PACRG: variants seen among roughly 807,000 people sequenced by gnomAD.
PACRG encodes the protein parkin coregulated gene protein.
Under a neutral mutation model 29.7 loss-of-function variants are expected in PACRG, and 29 were observed. The ratio of observed to expected loss-of-function variants is 0.98; its 90% CI spans 0.73 to 1.33. The LOEUF (loss-of-function observed/expected upper bound fraction) is 1.33, where lower values mean the gene tolerates loss of function less well. Among genes scored for constraint, PACRG ranks in the 40% most tolerant of loss-of-function variants. The probability of loss-of-function intolerance (pLI) is 0.00; values close to 1 mark genes in which losing one functional copy is unlikely to be tolerated. For missense variants in PACRG, 279 were observed against 316.2 expected (o/e 0.88, Z 0.89); for synonymous variants, 116 against 118.7 (o/e 0.98, Z 0.15).
At chr6:162,976,315 G>A (rs894210878) in intron 2 of PACRG, among the ~76,000 whole-genome samples, 1 of 152,204 alleles carries the variant, frequency 6.6e-6, no homozygotes, top group African/African-American at 2.4e-5. Flanking sequence ...GACTGCAGCT[G>A]AATGATGCTG....
In PACRG at chr6:163,229,958, G is replaced by A. The variant is rs376614020; in HGVS notation, c.614-84869G>A. ...AACCTGATGGTGAAATTATTCAACA[G>A]TTTGCTTCTGGGCATTGAAATAAAT... On this transcript the variant is annotated intron_variant, in intron 4 of 4. Coordinates refer to ENST00000366888, the MANE Select transcript of PACRG (RefSeq NM_001080379.2). Among the ~76,000 whole-genome samples the A allele has an allele frequency of 4.6e-5, 7 of 152,282 alleles. No individual in the cohort carries two copies. The East Asian group carries it at 1.2e-3, about 25-fold the overall frequency.
chr6:163,173,490 C>T (rs564890777), intron 4 of PACRG, among the ~76,000 whole-genome samples: 14 of 152,132 alleles, frequency 9.2e-5, no homozygotes, highest in Admixed American at 2.0e-4. Flanking sequence ...TTTTAGAAAA[C>T]GAAGCATGAA....
chr6:162,885,547 A>C (rs1794262962), intron 2 of PACRG, among the ~76,000 whole-genome samples: 1 of 152,196 alleles, frequency 6.6e-6, no homozygotes, highest in Non-Finnish European at 1.5e-5. Context: ...CTGGGATTAC[A>C]GGTGTGAGCC....
At chr6:163,033,494 A>G (rs1462507252) in intron 2 of PACRG, among the ~76,000 whole-genome samples, 1 of 152,240 alleles carries the variant, frequency 6.6e-6, no homozygotes, top group Non-Finnish European at 1.5e-5. Context: ...TATTTTATGA[A>G]TAATCTTTAA....
intron 4 of PACRG, among the ~76,000 whole-genome samples, chr6:163,200,284 T>C (rs34594095): frequency 0.41 from 62,467 of 151,518 alleles, 14,519 homozygotes; most frequent in African/African-American, 0.63. Flanking sequence ...CCCCTGGGAC[T>C]CTTGCATCAC....
At chr6:162,803,396 T>G (rs1786045752) in intron 1 of PACRG, among the ~76,000 whole-genome samples, 1 of 152,078 alleles carries the variant, frequency 6.6e-6, no homozygotes, top group South Asian at 2.1e-4. Flanking sequence ...CTTTGTGTAG[T>G]GTGTCAATGG....
chr6:162,831,153 G>A (rs1788739075), intron 2 of PACRG, among the ~76,000 whole-genome samples: 6 of 152,084 alleles, frequency 3.9e-5, no homozygotes, highest in Admixed American at 6.5e-5. Flanking sequence ...AGGCAGGTAG[G>A]GTTTAGAGGG....
intron 2 of PACRG, among the ~76,000 whole-genome samples, chr6:162,998,702 C>T (rs1276420066): frequency 1.3e-5 from 2 of 152,124 alleles, no homozygotes; most frequent in African/African-American, 4.8e-5. Context: ...TTTATTATTT[C>T]TGCTCTAGAA....
intron 4 of PACRG, among the ~76,000 whole-genome samples, chr6:163,275,907 A>T (rs1198529337): frequency 6.6e-6 from 1 of 152,054 alleles, no homozygotes; most frequent in Non-Finnish European, 1.5e-5. Context: ...TTCCTGCCAC[A>T]CTGGGACACT....
At chr6:163,078,458 C>A (rs1018130433) in intron 3 of PACRG, among the ~76,000 whole-genome samples, 1 of 149,192 alleles carries the variant, frequency 6.7e-6, no homozygotes, top group Non-Finnish European at 1.5e-5. Context: ...AGCTGCACTG[C>A]GCTCCAGCCT....
intron 2 of PACRG, among the ~76,000 whole-genome samples, chr6:162,958,880 TATATAGAGAGAGAG>T (rs1254201601): frequency 1.8e-3 from 29 of 16,478 alleles, no homozygotes; most frequent in African/African-American, 5.6e-3. Flanking sequence ...TATATATATA[TATATAGAGAGAGAG>T]AGAGAGAGAG....
At chr6:162,794,748 C>T (rs1473449847) in intron 1 of PACRG, among the ~76,000 whole-genome samples, 2 of 152,148 alleles carry the variant, frequency 1.3e-5, no homozygotes, top group African/African-American at 2.4e-5. Context: ...TATGCAATCA[C>T]TCAAGAAATA....
intron 2 of PACRG, among the ~76,000 whole-genome samples, chr6:162,883,362 G>C (rs968329015): frequency 1.3e-5 from 2 of 152,114 alleles, no homozygotes; most frequent in African/African-American, 4.8e-5. Context: ...GATTTTTAAA[G>C]TGTGATTTCA....
At chr6:163,144,347 TACACACAC>T (rs34737289) in intron 4 of PACRG, among the ~76,000 whole-genome samples, 3 of 93,828 alleles carry the variant, frequency 3.2e-5, no homozygotes, top group African/African-American at 8.4e-5. Flanking sequence ...CACACATACA[TACACACAC>T]ACACACACAC....
At chr6:163,033,242 A>G (rs780027385) in intron 2 of PACRG, among the ~76,000 whole-genome samples, 79 of 152,232 alleles carry the variant, frequency 5.2e-4, no homozygotes, top group Non-Finnish European at 2.1e-4. Context: ...CCTGGTTAGT[A>G]AGCAATTTTA....
intron 4 of PACRG, among the ~76,000 whole-genome samples, chr6:163,104,948 ACT>A (rs753242061): frequency 5.9e-5 from 9 of 151,794 alleles, no homozygotes; most frequent in Non-Finnish European, 1.0e-4. Context: ...TTGAACAAGT[ACT>A]CTTATACTAT....
At chr6:163,089,958 T>TTGG (rs1813945475) in intron 4 of PACRG, among the ~76,000 whole-genome samples, 1 of 152,328 alleles carries the variant, frequency 6.6e-6, no homozygotes, top group South Asian at 2.1e-4. Context: ...TTGGTGACCT[T>TTGG]TGGCAGGCAG....
chr6:162,907,595 A>C (rs1006650425), intron 2 of PACRG, among the ~76,000 whole-genome samples: 2 of 152,142 alleles, frequency 1.3e-5, no homozygotes, highest in Non-Finnish European at 2.9e-5. Flanking sequence ...GATTTCATTT[A>C]TTTTAATCTA....
At chr6:162,830,684 A>T (rs2128392752) in intron 2 of PACRG, among the ~76,000 whole-genome samples, 1 of 152,348 alleles carries the variant, frequency 6.6e-6, no homozygotes, top group Non-Finnish European at 1.5e-5. Flanking sequence ...ATGGTGATCT[A>T]GTTGAAAGTG....
Sources: allele counts gnomAD v4.1 joint callset (sites outside exome capture counted in the v4.1 genomes callset), GRCh38; gene constraint gnomAD v4.1.1; transcripts MANE v1.5; gene names NCBI Gene and HGNC (gene_info 2026-07-23, HGNC 2026-07-21).